Variants in TRDN observed in about 807,000 individuals in gnomAD.
TRDN encodes the protein triadin in skeletal muscle.
A neutral mutation model predicts 149.7 loss-of-function variants in TRDN; 161 were observed. That is an observed-to-expected ratio of 1.08 (90% CI 0.95 to 1.23). The LOEUF (loss-of-function observed/expected upper bound fraction) is 1.23. TRDN is among the 50% of genes most tolerant of loss of function. The pLI, the probability that TRDN is intolerant of heterozygous loss-of-function variation, is 0.00. For synonymous variants in TRDN, 294 were observed against 250.5 expected (o/e 1.17, Z -1.64); for missense variants, 896 against 823.5 (o/e 1.09, Z -1.08).
intron 12 of TRDN, among the ~76,000 whole-genome samples, chr6:123,395,442 A>G (rs1772681272): frequency 6.6e-6 from 1 of 152,030 alleles, no homozygotes; most frequent in Admixed American, 6.6e-5. Context: ...GAGTGTCCCA[A>G]CAGGCTGGTC....
At chr6:123,615,486 G>A (rs1785036108) in intron 1 of TRDN, among the ~76,000 whole-genome samples, 1 of 151,486 alleles carries the variant, frequency 6.6e-6, no homozygotes, top group African/African-American at 2.4e-5. Flanking sequence ...GTGTGTGTAT[G>A]TGTGTGTGTG....
chr6:123,503,376 A>G (rs1302698083), intron 8 of TRDN: 7 of 985,226 alleles, frequency 7.1e-6, no homozygotes, highest in Non-Finnish European at 7.2e-6. Flanking sequence ...TCCTCCAAAG[A>G]GTATGACACA....
chr6:123,597,377 A>G (rs1784085210), intron 1 of TRDN, among the ~76,000 whole-genome samples: 1 of 152,130 alleles, frequency 6.6e-6, no homozygotes, highest in Admixed American at 6.6e-5. Context: ...TTGAAATGGA[A>G]TCTACTGCTG....
intron 1 of TRDN, among the ~76,000 whole-genome samples, chr6:123,601,990 C>A (rs542746771): frequency 6.5e-4 from 99 of 152,120 alleles, no homozygotes; most frequent in African/African-American, 2.2e-3. Context: ...TAGACTTTAT[C>A]AATTCTATTA....
At chr6:123,508,843 T>A (rs1779041935) in intron 7 of TRDN, among the ~76,000 whole-genome samples, 1 of 152,202 alleles carries the variant, frequency 6.6e-6, no homozygotes, top group African/African-American at 2.4e-5. Context: ...TGGTCACACC[T>A]TTCAAAGATA....
At chr6:123,541,159 A>G (rs1041588549) in intron 4 of TRDN, among the ~76,000 whole-genome samples, 1 of 152,130 alleles carries the variant, frequency 6.6e-6, no homozygotes, top group African/African-American at 2.4e-5. Context: ...TATAACACCA[A>G]TGAAATTATT....
At chr6:123,547,819 T>C (rs981179828) in intron 3 of TRDN, among the ~76,000 whole-genome samples, 10 of 152,172 alleles carry the variant, frequency 6.6e-5, no homozygotes, top group African/African-American at 2.4e-4. Flanking sequence ...CACAGTGCTT[T>C]GTTCTTTTCA....
intron 29 of TRDN, among the ~76,000 whole-genome samples, chr6:123,271,876 C>A (rs1777217674): frequency 6.6e-6 from 1 of 151,966 alleles, no homozygotes; most frequent in Non-Finnish European, 1.5e-5. Context: ...TCCTACAAGA[C>A]AATGCATTTG....
At chr6:123,623,685 A>G (rs1785509681) in intron 1 of TRDN, among the ~76,000 whole-genome samples, 1 of 152,140 alleles carries the variant, frequency 6.6e-6, no homozygotes, top group Non-Finnish European at 1.5e-5. Flanking sequence ...GGATGTTGTT[A>G]AAAACTTAAT....
At chr6:123,537,064 T>C (rs1013051028) in intron 4 of TRDN, among the ~76,000 whole-genome samples, 49 of 152,194 alleles carry the variant, frequency 3.2e-4, no homozygotes, top group African/African-American at 1.1e-3. Flanking sequence ...TTATAGATGC[T>C]CATACAAAAA....
intron 12 of TRDN, among the ~76,000 whole-genome samples, chr6:123,437,640 C>G (rs999883698): frequency 6.6e-6 from 1 of 151,844 alleles, no homozygotes; most frequent in Admixed American, 6.6e-5. Flanking sequence ...AAGATAGTGC[C>G]CCATCTCTAA....
At chr6:123,244,294 C>T (rs1485049472) in intron 38 of TRDN, among the ~76,000 whole-genome samples, 1 of 152,036 alleles carries the variant, frequency 6.6e-6, no homozygotes. Context: ...ATAACAAACT[C>T]TTCCAAGCTA....
intron 20 of TRDN, among the ~76,000 whole-genome samples, chr6:123,359,844 T>C (rs543323318): frequency 7.9e-5 from 12 of 151,992 alleles, no homozygotes; most frequent in South Asian, 6.2e-4. Flanking sequence ...TACAGGCACC[T>C]GCCACCACGC....
At chr6:123,604,830 AACAG>A (rs892516528) in intron 1 of TRDN, among the ~76,000 whole-genome samples, 1 of 86,396 alleles carries the variant, frequency 1.2e-5, no homozygotes, top group African/African-American at 3.9e-5. Context: ...TAGGTAAATA[AACAG>A]ACAGTGGTGT....
In TRDN at chr6:123,516,158, T is replaced by C; in HGVS notation, c.533A>G (p.Glu178Gly). Residue 178 changes from glutamate to glycine, a missense_variant, in exon 6 of 41, where the codon GAA becomes GGA. By Grantham distance (98) the Glu-to-Gly change is moderately conservative. Coordinates refer to ENST00000334268, the MANE Select transcript of TRDN (RefSeq NM_006073.4). Reference sequence around the variant, plus strand: ...CTTCATACCTTTCTTTTCAGGTTTTTCTTTTTCTCTTACTTTTTCTTTTCC... The same window carrying C: ...CTTCATACCTTTCTTTTCAGGTTTTCCTTTTTCTCTTACTTTTTCTTTTCC... Reference protein sequence around the residue: ...EKGKEKVREKEKPEKKATHKE... With the variant: ...EKGKEKVREKGKPEKKATHKE... 6.7e-7 allele frequency: 1 copy of C among 1,492,602 alleles called. No homozygotes were observed. The highest frequency in any genetic ancestry group is 9.0e-7 in the Non-Finnish European group (1 of 1,109,012). The allele number at this position is 1,492,602 out of a possible 1,614,324, so 92.5% of individuals were successfully genotyped here.
At chr6:123,280,829 C>T (rs544255279) in intron 24 of TRDN, among the ~76,000 whole-genome samples, 10 of 151,990 alleles carry the variant, frequency 6.6e-5, no homozygotes, top group Middle Eastern at 3.4e-3. Context: ...TAAGTGAATG[C>T]CTTCTTTTCT....
At chr6:123,457,484 T>A (rs1221939873) in intron 10 of TRDN, 6 of 368,378 alleles carry the variant, frequency 1.6e-5, no homozygotes, top group Non-Finnish European at 2.6e-5. Flanking sequence ...AGTTTAGAGA[T>A]ACAAGTTTCT....
intron 38 of TRDN, among the ~76,000 whole-genome samples, chr6:123,241,906 C>G (rs77367234): frequency 6.6e-6 from 1 of 152,014 alleles, no homozygotes; most frequent in Admixed American, 6.6e-5. Flanking sequence ...GTTAAACCTC[C>G]GCATACAATA....
At chr6:123,560,341 C>G (rs1028711772) in intron 2 of TRDN, among the ~76,000 whole-genome samples, 13 of 152,152 alleles carry the variant, frequency 8.5e-5, no homozygotes, top group Admixed American at 4.6e-4. Context: ...TTTATACTGA[C>G]TCTAAATATG....
Sources: allele counts gnomAD v4.1 joint callset (sites outside exome capture counted in the v4.1 genomes callset), GRCh38; gene constraint gnomAD v4.1.1; transcripts MANE v1.5; gene names NCBI Gene and HGNC (gene_info 2026-07-23, HGNC 2026-07-21).